OPRM1: variants seen among roughly 807,000 people sequenced by gnomAD.
OPRM1 encodes the protein mu-type opioid receptor.
In OPRM1, 27 loss-of-function variants were observed where a neutral mutation model predicts 31.8. The ratio of observed to expected loss-of-function variants is 0.85; its 90% CI spans 0.63 to 1.17. The LOEUF is 1.17. Among genes scored for constraint, OPRM1 ranks in the 50% most tolerant of loss-of-function variants. The pLI, the probability that OPRM1 is intolerant of heterozygous loss-of-function variation, is 0.00. For missense variants in OPRM1, 536 were observed against 511.1 expected (o/e 1.05, Z -0.47); for synonymous variants, 196 against 189.9 (o/e 1.03, Z -0.26).
At chr6:154,056,849 A>G (rs1783412420) in intron 1 of OPRM1, among the ~76,000 whole-genome samples, 1 of 152,188 alleles carries the variant, frequency 6.6e-6, no homozygotes, top group Middle Eastern at 3.2e-3. Flanking sequence ...ATTATTATCA[A>G]CATTATAATT....
intron 3 of OPRM1, among the ~76,000 whole-genome samples, chr6:154,098,382 TA>T (rs1793774251): frequency 6.6e-6 from 1 of 152,224 alleles, no homozygotes; most frequent in East Asian, 1.9e-4. Context: ...TGGTTAAACT[TA>T]AGTGGTGAAT....
At chr6:154,221,174 G>T in intron 3 of OPRM1, 2 of 944,336 alleles carry the variant, frequency 2.1e-6, no homozygotes, top group Non-Finnish European at 1.7e-6. Context: ...AATTGATATG[G>T]ACATATGATT....
chr6:154,115,726 A>T (rs901507815), intron 3 of OPRM1, among the ~76,000 whole-genome samples: 3 of 152,226 alleles, frequency 2.0e-5, no homozygotes, highest in Non-Finnish European at 4.4e-5. Context: ...TGAGGGGGTG[A>T]TCTGCCCTGG....
intron 3 of OPRM1, among the ~76,000 whole-genome samples, chr6:154,142,444 C>T (rs916006656): frequency 3.9e-5 from 6 of 152,034 alleles, no homozygotes; most frequent in South Asian, 4.1e-4. Flanking sequence ...ACACCTCAGG[C>T]GAGCATGTGT....
At chr6:154,099,621 G>T (rs991563805) in intron 3 of OPRM1, among the ~76,000 whole-genome samples, 1 of 141,052 alleles carries the variant, frequency 7.1e-6, no homozygotes, top group Non-Finnish European at 1.5e-5. Context: ...CTTAAATAAA[G>T]ATCATACACA....
chr6:154,078,754 C>A (rs1194893271), intron 1 of OPRM1, among the ~76,000 whole-genome samples: 1 of 152,040 alleles, frequency 6.6e-6, no homozygotes, highest in East Asian at 1.9e-4. Context: ...TGATGCATGC[C>A]TGTGGTCCCA....
At chr6:154,218,945 T>C (rs557979397) in intron 3 of OPRM1, 1 of 152,312 alleles carries the variant, frequency 6.6e-6, no homozygotes, top group African/African-American at 2.4e-5. Context: ...ATAGCATAGA[T>C]AGGCGGTAAG....
chr6:154,090,559 T>C (rs1363818236), intron 2 of OPRM1, among the ~76,000 whole-genome samples: 1 of 152,124 alleles, frequency 6.6e-6, no homozygotes, highest in African/African-American at 2.4e-5. Flanking sequence ...ACACCTAATA[T>C]CAGAATATTG....
chr6:154,083,627 A>C (rs1562442421), intron 1 of OPRM1: 1 of 152,340 alleles, frequency 6.6e-6, no homozygotes, highest in Non-Finnish European at 1.5e-5. Flanking sequence ...ATGTGGAGAG[A>C]AAGGGTGACA....
chr6:154,205,419 AC>A (rs1777410434), intron 3 of OPRM1, among the ~76,000 whole-genome samples: 1 of 152,098 alleles, frequency 6.6e-6, no homozygotes, highest in Non-Finnish European at 1.5e-5. Context: ...ATATGGTGAA[AC>A]CCTGTCTCTA....
chr6:154,204,200 G>A (rs1181699700), intron 3 of OPRM1, among the ~76,000 whole-genome samples: 1 of 152,084 alleles, frequency 6.6e-6, no homozygotes, highest in Non-Finnish European at 1.5e-5. Context: ...TCTTGAAGAA[G>A]CATCATTCAA....
intron 1 of OPRM1, among the ~76,000 whole-genome samples, chr6:154,076,193 A>G (rs483021): frequency 0.048 from 7,243 of 152,274 alleles, 325 homozygotes; most frequent in Admixed American, 0.15. Flanking sequence ...AAAATTTCAG[A>G]GATCATTTTT....
At chr6:154,164,151 C>T (rs1007794012) in intron 3 of OPRM1, among the ~76,000 whole-genome samples, 2 of 152,154 alleles carry the variant, frequency 1.3e-5, no homozygotes, top group African/African-American at 4.8e-5. Context: ...AAGGAAGATC[C>T]TAATTTTTCA....
intron 1 of OPRM1, among the ~76,000 whole-genome samples, chr6:154,045,003 T>A (rs898992335): frequency 6.6e-6 from 1 of 150,720 alleles, no homozygotes; most frequent in Non-Finnish European, 1.5e-5. Flanking sequence ...GGCAGGTGGA[T>A]CACCTGAGGT....
exon 1 of OPRM1, chr6:154,010,514 T>C (rs1777670118): frequency 6.5e-7 from 1 of 1,542,534 alleles, no homozygotes; most frequent in African/African-American, 1.4e-5. Flanking sequence ...GTAAAGAAAA[T>C]GATGAGGGCT....
intron 1 of OPRM1, among the ~76,000 whole-genome samples, chr6:154,025,868 C>G (rs1481713223): frequency 1.3e-5 from 2 of 152,016 alleles, no homozygotes; most frequent in Non-Finnish European, 2.9e-5. Flanking sequence ...TTTGTTGTTT[C>G]TATTTATATC....
At chr6:154,213,638 A>G (rs1291402690) in intron 3 of OPRM1, among the ~76,000 whole-genome samples, 2 of 152,190 alleles carry the variant, frequency 1.3e-5, no homozygotes, top group Non-Finnish European at 1.5e-5. Context: ...CAGAAAGACT[A>G]TGAGTTCAGT....
intron 1 of OPRM1, among the ~76,000 whole-genome samples, chr6:154,066,181 T>C (rs1785362131): frequency 6.6e-6 from 1 of 152,188 alleles, no homozygotes. Context: ...AATATTTTGC[T>C]GAGGATTTTT....
rs1797300125 is a variant in OPRM1, at chr6:154,121,551, C to T, written c.*2830C>T. Among the ~76,000 whole-genome samples, 1 of 152,158 alleles carries T rather than the reference C, an allele frequency of 6.6e-6. No homozygotes were observed. The highest frequency in any genetic ancestry group is 1.5e-5 in the Non-Finnish European group (1 of 68,020). On this transcript the variant is annotated 3_prime_UTR_variant, in exon 4 of 4. Transcript: ENST00000330432. ...TGAGTAGGTAAGAGAGCATTCATTCCCTTCAATAATATGACTGTGTTGATA... is the reference window on the plus strand; with the variant it reads ...TGAGTAGGTAAGAGAGCATTCATTCTCTTCAATAATATGACTGTGTTGATA...
Sources: gnomAD v4.1 joint callset for allele counts (sites outside exome capture counted in the v4.1 genomes callset) on GRCh38, gnomAD v4.1.1 for gene constraint, MANE v1.5 for transcripts, NCBI Gene and HGNC (gene_info 2026-07-23, HGNC 2026-07-21) for gene names.